The following NFIB variants were observed in gnomAD, a reference collection of about 807,000 sequenced individuals.
NFIB encodes nuclear factor I B, also known as nuclear factor 1 B-type.
In NFIB, 11 loss-of-function variants were observed where a neutral mutation model predicts 61.5. The observed-to-expected ratio is 0.18, with a 90% CI of 0.11 to 0.30. NFIB has a LOEUF of 0.30. Ranked by LOEUF, NFIB falls within the 10% of genes least tolerant of loss-of-function variation. NFIB has a pLI of 1.00. For missense variants in NFIB, 471 were observed against 608.9 expected, an observed-to-expected ratio of 0.77 and a Z score of 2.38; for synonymous variants, 260 against 216.5, an observed-to-expected ratio of 1.20 and a Z score of -1.76.
At chr9:14,344,792 A>G in intron 1 of NFIB, among the ~76,000 whole-genome samples, 1 of 152,220 alleles carries the variant, frequency 6.6e-6, no homozygotes. Context: ...CCGTAACTAC[A>G]AACAAAAGCA....
intron 3 of NFIB, among the ~76,000 whole-genome samples, chr9:14,162,063 T>C (rs2044263735): frequency 6.6e-6 from 1 of 152,176 alleles, no homozygotes; most frequent in Non-Finnish European, 1.5e-5. Context: ...TTCAGATATA[T>C]GAGCATATTT....
intron 2 of NFIB, among the ~76,000 whole-genome samples, chr9:14,189,741 T>C (rs2047740377): frequency 6.7e-6 from 1 of 150,118 alleles, no homozygotes; most frequent in African/African-American, 2.5e-5. Flanking sequence ...TTAGTCTTAT[T>C]CACTGCCCTA....
At chr9:14,206,449 G>A (rs2049729155) in intron 2 of NFIB, among the ~76,000 whole-genome samples, 1 of 151,984 alleles carries the variant, frequency 6.6e-6, no homozygotes. Flanking sequence ...GATTACAGGT[G>A]TGAGCCAAGC....
chr9:14,393,690 T>C (rs1344853697), intron 1 of NFIB, among the ~76,000 whole-genome samples: 1 of 152,222 alleles, frequency 6.6e-6, no homozygotes, highest in African/African-American at 2.4e-5. Context: ...GGAGGATTTA[T>C]CTCACTTAGC....
In NFIB at chr9:14,085,107, G is replaced by A. The variant is rs180874765; in HGVS notation, c.*3202C>T. On this transcript the variant is annotated 3_prime_UTR_variant, in exon 11 of 11. Transcript: ENST00000380953. ...AGGGCGAGTATCACAGAAATGATTG[G>A]ACTTACTTTTGAACTTGCACTGCTA... 2 of 229,622 alleles carry A rather than the reference G, an allele frequency of 8.7e-6. No homozygotes were observed. The highest frequency in any genetic ancestry group is 1.1e-4 in the Admixed American group (2 of 17,640). 14.2% of individuals were successfully genotyped at this position (229,622 alleles called of 1,614,324 possible).
chr9:14,500,653 A>C, the NFIB span, among the ~76,000 whole-genome samples: 1 of 152,208 alleles, frequency 6.6e-6, no homozygotes, highest in African/African-American at 2.4e-5. Flanking sequence ...GCAAACAAAC[A>C]AACAAAAAAT....
chr9:14,440,659 T>C, the NFIB span, among the ~76,000 whole-genome samples: 1 of 152,166 alleles, frequency 6.6e-6, no homozygotes, highest in African/African-American at 2.4e-5. Flanking sequence ...GAAAATACTA[T>C]TTGCATCCCC....
the NFIB span, among the ~76,000 whole-genome samples, chr9:14,436,999 G>A: frequency 2.0e-5 from 3 of 152,138 alleles, no homozygotes; most frequent in Non-Finnish European, 4.4e-5. Context: ...CGAGAGAGAG[G>A]GAGGAGAGAG....
At chr9:14,361,510 C>T (rs559662891) in intron 1 of NFIB, 2 of 152,330 alleles carry the variant, frequency 1.3e-5, no homozygotes, top group East Asian at 3.9e-4. Flanking sequence ...AACCACATCA[C>T]ATCACATACA....
the NFIB span, among the ~76,000 whole-genome samples, chr9:14,483,576 C>A: frequency 6.6e-6 from 1 of 152,180 alleles, no homozygotes; most frequent in Admixed American, 6.5e-5. Flanking sequence ...CATTATTTAA[C>A]CTCTCTGAGC....
intron 2 of NFIB, among the ~76,000 whole-genome samples, chr9:14,268,156 A>C (rs1179646388): frequency 3.9e-5 from 6 of 152,112 alleles, no homozygotes; most frequent in Admixed American, 3.9e-4. Context: ...GTACCCAAAA[A>C]ATATGGAGAA....
rs1403187315 is a variant in NFIB at position 14,083,972 on chromosome 9, T to G, written c.*4337A>C. 1 of 219,102 alleles carries G rather than the reference T, an allele frequency of 4.6e-6. No homozygotes were observed. Among genetic ancestry groups the G allele is most frequent in the African/African-American group, 2.2e-5 (1 of 44,542 alleles). 13.6% of individuals were successfully genotyped at this position (219,102 alleles called of 1,614,324 possible). ...GCCGTATATACTAATAAAAAGACAG[T>G]GGTGCTTCGACATTCTGAAATGCTC... is the stretch of plus-strand genomic sequence containing the variant. On this transcript the variant is annotated 3_prime_UTR_variant, in exon 11 of 11. Coordinates refer to ENST00000380953, the MANE Select transcript of NFIB (RefSeq NM_001190737.2).
chr9:14,279,890 C>G (rs867944459), intron 2 of NFIB, among the ~76,000 whole-genome samples: 1 of 152,164 alleles, frequency 6.6e-6, no homozygotes, highest in Admixed American at 6.5e-5. Flanking sequence ...TCATCTAAAA[C>G]AATTTTCCTT....
chr9:14,296,828 G>C (rs139282606), intron 2 of NFIB, among the ~76,000 whole-genome samples: 1 of 152,350 alleles, frequency 6.6e-6, no homozygotes, highest in African/African-American at 2.4e-5. Context: ...AAAGGCAGAA[G>C]GGGGATATGC....
chr9:14,152,483 TA>T (rs2042971734), intron 4 of NFIB, among the ~76,000 whole-genome samples: 1 of 152,102 alleles, frequency 6.6e-6, no homozygotes, highest in African/African-American at 2.4e-5. Context: ...TCAAGTGAAG[TA>T]AACAATCTGT....
chr9:14,098,061 C>T (rs1267529059), intron 10 of NFIB, among the ~76,000 whole-genome samples: 2 of 152,034 alleles, frequency 1.3e-5, no homozygotes, highest in Non-Finnish European at 2.9e-5. Context: ...AAAGGAACTG[C>T]TAACACATGT....
chr9:14,476,260 TC>T, the NFIB span, among the ~76,000 whole-genome samples: 6 of 151,782 alleles, frequency 4.0e-5, 1 homozygote, highest in Admixed American at 3.3e-4. Context: ...TTTTTTTTTT[TC>T]ACCTGGGAAG....
chr9:14,320,717 G>T (rs1292902536), intron 1 of NFIB, among the ~76,000 whole-genome samples: 1 of 152,150 alleles, frequency 6.6e-6, no homozygotes, highest in African/African-American at 2.4e-5. Context: ...ATTTACACGT[G>T]CATTCTTTTC....
the NFIB span, among the ~76,000 whole-genome samples, chr9:14,415,051 T>G: frequency 6.6e-6 from 1 of 152,202 alleles, no homozygotes; most frequent in Non-Finnish European, 1.5e-5. Context: ...GGTCTTTAGC[T>G]CAGGATCCCA....
Sources: gnomAD v4.1 joint callset for allele counts (sites outside exome capture counted in the v4.1 genomes callset) on GRCh38, gnomAD v4.1.1 for gene constraint, MANE v1.5 for transcripts, NCBI Gene and HGNC (gene_info 2026-07-23, HGNC 2026-07-21) for gene names.